The following RASGRP3 variants were observed in gnomAD, a reference collection of about 807,000 sequenced individuals.
RASGRP3 encodes ras guanyl-releasing protein 3.
RASGRP3 carries 54 observed loss-of-function variants against 82.7 expected under a neutral mutation model. The ratio of observed to expected loss-of-function variants is 0.65; its 90% confidence interval spans 0.52 to 0.82. The LOEUF is 0.82. RASGRP3 is among the 40% of genes least tolerant of loss of function. The probability of loss-of-function intolerance (pLI) is 0.00; values close to 1 mark genes in which losing one functional copy is unlikely to be tolerated. For synonymous variants in RASGRP3, 309 were observed against 300.5 expected (o/e 1.03, Z -0.29); for missense variants, 861 against 828.9 (o/e 1.04, Z -0.48).
chr2:33,439,240 A>G (rs78633752), intron 1 of RASGRP3, among the ~76,000 whole-genome samples: 3,742 of 152,274 alleles, frequency 0.025, 139 homozygotes, highest in African/African-American at 0.085. Context: ...AAAGGGAAGT[A>G]TACAGGACAC....
At chr2:33,549,379 C>A (rs1675153759) in intron 13 of RASGRP3, among the ~76,000 whole-genome samples, 1 of 152,292 alleles carries the variant, frequency 6.6e-6, no homozygotes, top group Non-Finnish European at 1.5e-5. Context: ...CACACACACA[C>A]ACACGCAGGA....
intron 11 of RASGRP3, among the ~76,000 whole-genome samples, chr2:33,536,426 T>C (rs1459116807): frequency 6.6e-6 from 1 of 151,938 alleles, no homozygotes; most frequent in African/African-American, 2.4e-5. Context: ...AGAGCTGGGA[T>C]TCAGTGTCAG....
In RASGRP3 at chr2:33,516,724, T is replaced by C. The variant is rs550557567; in HGVS notation, c.173+80T>C. The C allele has an allele frequency of 1.3e-4, 124 of 941,278 alleles. No homozygotes were observed. The South Asian group carries it at 1.9e-3, about 14-fold the overall frequency. 58.3% of individuals were successfully genotyped at this position (941,278 alleles called of 1,614,324 possible). On this transcript the variant is annotated intron_variant, in intron 4 of 17. Coordinates refer to ENST00000403687, the MANE Select transcript of RASGRP3 (RefSeq NM_001139488.2). The stretch of plus-strand genomic sequence containing the variant: ...AGATAGAGTGTCTATCCAAAGCCAG[T>C]AAATTAAGATGAATAAATAGTCTTT...
rs1475889036 is a variant in RASGRP3, at chr2:33,502,575, G to A, written c.-260-9135G>A. Among the ~76,000 whole-genome samples the A allele has an allele frequency of 2.7e-5, 4 of 146,626 alleles. No individual in the cohort carries two copies. The East Asian group carries it at 6.0e-4, about 22-fold the overall frequency. ...GGCTGGAGTGCAGTGGCAGAATCTC[G>A]GCTCACTGCTCACTACAACCTCCGC... On this transcript the variant is annotated intron_variant, in intron 1 of 17. Coordinates refer to ENST00000403687, the MANE Select transcript of RASGRP3 (RefSeq NM_001139488.2).
intron 13 of RASGRP3, among the ~76,000 whole-genome samples, chr2:33,546,808 C>A (rs1412323027): frequency 6.6e-6 from 1 of 152,138 alleles, no homozygotes; most frequent in African/African-American, 2.4e-5. Context: ...TGGCTCATGC[C>A]TGTAATCCCA....
At chr2:33,561,276 A>G (rs997935330) in intron 17 of RASGRP3, among the ~76,000 whole-genome samples, 1 of 152,148 alleles carries the variant, frequency 6.6e-6, no homozygotes, top group Non-Finnish European at 1.5e-5. Flanking sequence ...CATGCTGGCC[A>G]GGCTGGTCCC....
intron 1 of RASGRP3, among the ~76,000 whole-genome samples, chr2:33,492,836 C>T (rs923877081): frequency 3.3e-5 from 5 of 152,132 alleles, no homozygotes; most frequent in African/African-American, 9.7e-5. Context: ...TCATGCTTAC[C>T]GATCCATGGA....
chr2:33,529,232 A>T (rs531119030), intron 10 of RASGRP3, among the ~76,000 whole-genome samples: 1 of 151,950 alleles, frequency 6.6e-6, no homozygotes, highest in Non-Finnish European at 1.5e-5. Flanking sequence ...TGGTGGCTCA[A>T]GCCTGTAATT....
intron 1 of RASGRP3, among the ~76,000 whole-genome samples, chr2:33,500,372 G>T (rs1453336463): frequency 6.6e-6 from 1 of 152,160 alleles, no homozygotes; most frequent in Non-Finnish European, 1.5e-5. Flanking sequence ...CAGGAACTGA[G>T]AACCAATATA....
At position 33,527,418 on chromosome 2, in the gene RASGRP3, T is replaced by G. The variant is rs536235191; in HGVS notation, c.1083+6T>G. Reference sequence around the variant, plus strand: ...ATTTGATCAACCTGCTCACGGTGAGTTCCAAGGAGCCAAGTTTGGGCTCAA... The same window carrying G: ...ATTTGATCAACCTGCTCACGGTGAGGTCCAAGGAGCCAAGTTTGGGCTCAA... On this transcript the variant is annotated splice_donor_region_variant and intron_variant, in intron 10 of 17. Transcript: ENST00000403687. 6.2e-7 allele frequency: 1 copy of G among 1,604,922 alleles called. No individual in the cohort carries two copies. The highest frequency in any genetic ancestry group is 1.1e-5 in the South Asian group (1 of 90,550).
At chr2:33,538,647 G>A (rs62149021) in intron 11 of RASGRP3, among the ~76,000 whole-genome samples, 1 of 152,114 alleles carries the variant, frequency 6.6e-6, no homozygotes, top group Non-Finnish European at 1.5e-5. Context: ...GCATTTAATA[G>A]CTATATAAAT....
upstream of RASGRP3, among the ~76,000 whole-genome samples, chr2:33,475,180 A>C (rs1667283147): frequency 1.3e-5 from 2 of 152,222 alleles, no homozygotes; most frequent in Non-Finnish European, 2.9e-5. Flanking sequence ...TCTGAAGTTT[A>C]TTTCTATTAC....
chr2:33,531,367 C>G (rs1259570316), intron 10 of RASGRP3, among the ~76,000 whole-genome samples: 1 of 152,192 alleles, frequency 6.6e-6, no homozygotes, highest in Non-Finnish European at 1.5e-5. Context: ...GAACAGATCA[C>G]CCTTTGGGCA....
chr2:33,521,986 C>G lies in RASGRP3; in HGVS notation c.400C>G (p.Gln134Glu). Residue 134 changes from glutamine to glutamate, a missense_variant, in exon 7 of 18, where the codon CAG becomes GAG. Transcript: ENST00000403687. ...PSYDWMRRVT[Q>E]RKKVSKKGKA... ...CTATGACTGGATGAGAAGAGTCACA[C>G]AGAGGAAAAAAGTATCCAAGAAGGG... 6.2e-7 allele frequency: 1 copy of G among 1,613,578 alleles called. No homozygotes were observed. Among genetic ancestry groups the G allele is most frequent in the Non-Finnish European group, 8.5e-7 (1 of 1,179,750 alleles).
In RASGRP3 at chr2:33,524,444, C is replaced by T. The variant is rs1429453840; in HGVS notation, c.703C>T (p.Leu235Phe). ...ATTTTTATTGCAGAAGCTCCTTCAG[C>T]TCAAAAATTTTAACACCCTGATGGC... ...FINVAKKLLQ[L>F]KNFNTLMAVV... is the part of the protein sequence containing the mutation. Residue 235 changes from leucine to phenylalanine, a missense_variant, in exon 9 of 18, where the codon CTC becomes TTC. Leu to Phe is a conservative substitution (Grantham distance 22, BLOSUM62 0). Coordinates refer to ENST00000403687, the MANE Select transcript of RASGRP3 (RefSeq NM_001139488.2). The T allele has an allele frequency of 6.3e-7, 1 of 1,593,992 alleles. No homozygotes were observed. Among genetic ancestry groups the T allele is most frequent in the South Asian group, 1.2e-5 (1 of 86,322 alleles).
chr2:33,460,600 C>G (rs1053499046), intron 2 of RASGRP3, among the ~76,000 whole-genome samples: 17 of 150,818 alleles, frequency 1.1e-4, no homozygotes, highest in African/African-American at 4.2e-4. Flanking sequence ...CTGCAACTTT[C>G]ACCTCCCGTG....
chr2:33,463,220 G>T (rs1043782783), intron 2 of RASGRP3, among the ~76,000 whole-genome samples: 2 of 152,090 alleles, frequency 1.3e-5, no homozygotes, highest in Non-Finnish European at 2.9e-5. Context: ...TTCCTTCTCA[G>T]GTTTTACTGA....
rs1231055593 is a variant in RASGRP3 at position 33,564,693 on chromosome 2, A to T, written c.*1956A>T. 1 of 152,182 alleles carries T rather than the reference A, an allele frequency of 6.6e-6. No homozygotes were observed. The highest frequency in any genetic ancestry group is 1.5e-5 in the Non-Finnish European group (1 of 68,042). The allele number at this position is 152,182 out of a possible 1,614,324, so 9.4% of individuals were successfully genotyped here. On this transcript the variant is annotated 3_prime_UTR_variant, in exon 18 of 18. Transcript: ENST00000403687. ...AGCCTTCCTGTGATAAAGATATTAA[A>T]TGTAACTTGAGTAAAAAATAAAAAA... is the stretch of plus-strand genomic sequence containing the variant.
At chr2:33,471,312 A>T (rs991107143) in intron 2 of RASGRP3, among the ~76,000 whole-genome samples, 2 of 148,644 alleles carry the variant, frequency 1.3e-5, no homozygotes, top group African/African-American at 4.9e-5. Flanking sequence ...GGTTGGTAGG[A>T]CTATAGGCAT....
Sources: allele counts gnomAD v4.1 joint callset (sites outside exome capture counted in the v4.1 genomes callset), GRCh38; gene constraint gnomAD v4.1.1; transcripts MANE v1.5; gene names NCBI Gene and HGNC (gene_info 2026-07-23, HGNC 2026-07-21).